Variants in EFNA1 observed in about 807,000 individuals in gnomAD.
EFNA1 encodes the protein ephrin-A1.
EFNA1 carries 8 observed loss-of-function variants against 23.2 expected under a neutral mutation model. That is an observed-to-expected ratio of 0.34 (90% CI 0.20 to 0.62). The LOEUF (loss-of-function observed/expected upper bound fraction) is 0.62, where lower values mean the gene tolerates loss of function less well. Ranked by LOEUF, EFNA1 falls within the 20% of genes least tolerant of loss-of-function variation. EFNA1 has a pLI of 0.75. For synonymous variants in EFNA1, 89 were observed against 98.6 expected, an observed-to-expected ratio of 0.90 and a Z score of 0.58; for missense variants, 217 against 260.0, an observed-to-expected ratio of 0.83 and a Z score of 1.14.
Position 155,129,513 on chromosome 1 carries a change from C to CCACACACA in EFNA1, c.92+1472_92+1479dup, listed in dbSNP as rs34899613. Reference sequence around the variant, plus strand: ...AGGGGGCTGATGGGTGACCCTCTGGCCACACACACACACACACACACACAC... The same window carrying CCACACACA: ...AGGGGGCTGATGGGTGACCCTCTGGCCACACACACACACACACACACACACACACACAC... On this transcript the variant is annotated intron_variant, in intron 1 of 4. Transcript: ENST00000368407. 8.8e-3 allele frequency: 1,291 copies of CCACACACA among 145,956 alleles called. 10 individuals are homozygous for CCACACACA. The highest frequency in any genetic ancestry group is 0.04 in the East Asian group (197 of 4,890). The allele number at this position is 145,956 out of a possible 1,614,324, so 9.0% of individuals were successfully genotyped here.
Position 155,131,220 on chromosome 1 carries a change from G to A in EFNA1, c.93-119G>A, listed in dbSNP as rs183147225. The A allele has an allele frequency of 8.2e-5, 117 of 1,422,462 alleles. No homozygotes were observed. The Admixed American group carries it at 1.2e-3, about 14-fold the overall frequency. 88.1% of individuals were successfully genotyped at this position (1,422,462 alleles called of 1,614,324 possible). ...AGTACATATTGGGAGTTGAAACTTC[G>A]GAAAAATCTCTTGGGGTCCAGTGTG... On this transcript the variant is annotated intron_variant, in intron 1 of 4. Coordinates refer to ENST00000368407, the MANE Select transcript of EFNA1 (RefSeq NM_004428.3).
chr1:155,130,474 GGAGGGGAGAGGGGGAGAGGAGGAGA>G (rs1039815071), intron 1 of EFNA1: 4 of 976,654 alleles, frequency 4.1e-6, no homozygotes, highest in Non-Finnish European at 4.9e-6. Flanking sequence ...GGAGGGGAGA[GGAGGGGAGAGGGGGAGAGGAGGAGA>G]GAGGGGAGAG....
In EFNA1 at chr1:155,131,452, T is replaced by C. The variant is rs1664238250; in HGVS notation, c.206T>C (p.Leu69Pro). The C allele has an allele frequency of 6.2e-7, 1 of 1,614,008 alleles. No homozygotes were observed. Among genetic ancestry groups the C allele is most frequent in the Admixed American group, 1.7e-5 (1 of 59,984 alleles). ...VADAAMEQYILYLVEHEEYQL... is the reference protein window; with the variant it reads ...VADAAMEQYIPYLVEHEEYQL... ...GACGCTGCCATGGAGCAGTACATAC[T>C]GTACCTGGTGGAGCATGAGGAGTAC... is the stretch of plus-strand genomic sequence containing the variant. The change falls in exon 2 of 5, where the codon CTG (leucine) becomes CCG (proline). Residue 69 changes from leucine (L) to proline (P), a missense_variant. Leu to Pro is a moderately conservative substitution (Grantham distance 98). Transcript: ENST00000368407.
chr1:155,128,688 G>A (rs931313846), intron 1 of EFNA1, among the ~76,000 whole-genome samples: 2 of 152,226 alleles, frequency 1.3e-5, no homozygotes, highest in South Asian at 4.1e-4. Flanking sequence ...CTCTCAAGTA[G>A]TAAAAGCGAA....
chr1:155,131,286 C>T, intron 1 of EFNA1, 53 bp from the exon 2 acceptor site: 1 of 1,563,808 alleles, frequency 6.4e-7, no homozygotes, highest in South Asian at 1.2e-5. Context: ...GCCCAAGGAT[C>T]TGGCCTGGCT....
Position 155,134,407 on chromosome 1 carries a change from G to A in EFNA1, c.*340G>A, listed in dbSNP as rs1664328265. ...TGGGAGCTGAGCTGGAAGGGGCCAC[G>A]TGGATGGGCAAAGCTTGTCAAAGAT... On this transcript the variant is annotated 3_prime_UTR_variant, in exon 5 of 5. Coordinates refer to ENST00000368407, the MANE Select transcript of EFNA1 (RefSeq NM_004428.3). The A allele has an allele frequency of 1.5e-5, 5 of 339,174 alleles. No homozygotes were observed. Among genetic ancestry groups the A allele is most frequent in the Admixed American group, 1.3e-4 (3 of 23,030 alleles). 21.0% of individuals were successfully genotyped at this position (339,174 alleles called of 1,614,324 possible). A position where few individuals can be genotyped will look rare whatever the true frequency, so the allele number is the denominator to read the frequency against.
chr1:155,133,644 G>A, intron 3 of EFNA1, 76 bp downstream of exon 3: 2 of 1,608,550 alleles, frequency 1.2e-6, no homozygotes, highest in Non-Finnish European at 1.7e-6. Flanking sequence ...GGATGGTATA[G>A]AAGTCTTGCA....
chr1:155,134,182 C>A lies in EFNA1; in HGVS notation c.*115C>A. On this transcript the variant is annotated 3_prime_UTR_variant, in exon 5 of 5. Coordinates refer to ENST00000368407, the MANE Select transcript of EFNA1 (RefSeq NM_004428.3). ...CCAGCCCTGGGAACCACTCCCACCA[C>A]AGGCATAAGCTATCACCTAGCAGCC... 2 of 999,958 alleles carry A rather than the reference C, an allele frequency of 2.0e-6. No homozygotes were observed. Among genetic ancestry groups the A allele is most frequent in the Non-Finnish European group, 3.0e-6 (2 of 660,994 alleles). The allele number at this position is 999,958 out of a possible 1,614,324, so 61.9% of individuals were successfully genotyped here.
intron 2 of EFNA1, 103 bp downstream of exon 2, chr1:155,131,737 G>A (rs114746058): frequency 0.013 from 16,664 of 1,273,008 alleles, 135 homozygotes; most frequent in Non-Finnish European, 0.015. Flanking sequence ...GGCCCCTTCC[G>A]ATCTTGAATT....
intron 1 of EFNA1, chr1:155,130,839 G>A (rs1664226245): frequency 4.1e-6 from 4 of 985,320 alleles, no homozygotes. Flanking sequence ...AGTAAGGAAA[G>A]TGAAGACACA....
In EFNA1 at chr1:155,133,795, C is replaced by A; in HGVS notation, c.505+15C>A. 1 of 1,614,054 alleles carries A rather than the reference C, an allele frequency of 6.2e-7. No individual in the cohort carries two copies. The highest frequency in any genetic ancestry group is 1.1e-5 in the South Asian group (1 of 91,072). On this transcript the variant is annotated intron_variant, in intron 4 of 4. Coordinates refer to ENST00000368407, the MANE Select transcript of EFNA1 (RefSeq NM_004428.3). ...ACTTGCAGCAGGTGGGTAGCTGGAGCAAACTGGGCCTGGGGCACAGGAAGG... is the reference window on the plus strand; with the variant it reads ...ACTTGCAGCAGGTGGGTAGCTGGAGAAAACTGGGCCTGGGGCACAGGAAGG...
At chr1:155,133,200 C>T (rs1241405599) in intron 2 of EFNA1, among the ~76,000 whole-genome samples, 1 of 152,096 alleles carries the variant, frequency 6.6e-6, no homozygotes, top group Non-Finnish European at 1.5e-5. Context: ...TGAGCCACCG[C>T]GCCTGGCCTA....
At chr1:155,130,473 A>G (rs1309246536) in intron 1 of EFNA1, 3 of 933,322 alleles carry the variant, frequency 3.2e-6, no homozygotes, top group East Asian at 1.3e-4. Flanking sequence ...AGGAGGGGAG[A>G]GGAGGGGAGA....
In EFNA1 at chr1:155,133,972, G is replaced by A. The variant is rs1481713806; in HGVS notation, c.523G>A (p.Val175Ile). The A allele has an allele frequency of 6.2e-7, 1 of 1,614,084 alleles. No homozygotes were observed. The highest frequency in any genetic ancestry group is 8.5e-7 in the Non-Finnish European group (1 of 1,179,976). ...CCTTGCAGATGACCCAGAGGTGCGG[G>A]TTCTACATAGCATCGGTCACAGTGC... is the stretch of plus-strand genomic sequence containing the variant. Reference protein sequence around the residue: ...RLAADDPEVRVLHSIGHSAAP... With the variant: ...RLAADDPEVRILHSIGHSAAP... Residue 175 changes from valine (V) to isoleucine (I), a missense_variant, in exon 5 of 5, where the codon GTT (valine) becomes ATT (isoleucine). By Grantham distance (29) the Val-to-Ile change is conservative (BLOSUM62 3). Transcript: ENST00000368407.
chr1:155,130,727 G>A (rs1436189148), intron 1 of EFNA1: 4 of 985,252 alleles, frequency 4.1e-6, no homozygotes, highest in Non-Finnish European at 4.8e-6. Context: ...TTAAAGGACT[G>A]GGGCATTATC....
chr1:155,131,741 T>A, intron 2 of EFNA1, 107 bp downstream of exon 2: 2 of 1,240,852 alleles, frequency 1.6e-6, no homozygotes, highest in East Asian at 4.9e-5. Context: ...CCTTCCGATC[T>A]TGAATTCTAT....
At chr1:155,132,912 T>TTTTG (rs74452352) in intron 2 of EFNA1, among the ~76,000 whole-genome samples, 63,922 of 151,084 alleles carry the variant, frequency 0.42, 14,256 homozygotes, top group East Asian at 0.82. Context: ...TAGTTTTTGT[T>TTTTG]TTTTTGTTTT....
In EFNA1 at chr1:155,131,331, GT is replaced by G. The variant is rs1664235635; in HGVS notation, c.93-7del. On this transcript the variant is annotated splice_polypyrimidine_tract_variant and splice_region_variant and intron_variant, in intron 1 of 4. Transcript: ENST00000368407. ...CCACCTGCTTCTTCCCCCTGTGTGT[GT>G]CCCCAGGTTCCGGAATGAGGACTAC... The G allele has an allele frequency of 2.5e-6, 4 of 1,597,814 alleles. No homozygotes were observed. Among genetic ancestry groups the G allele is most frequent in the Non-Finnish European group, 3.4e-6 (4 of 1,167,316 alleles).
chr1:155,128,650 A>G (rs1664150648), intron 1 of EFNA1, among the ~76,000 whole-genome samples: 1 of 152,226 alleles, frequency 6.6e-6, no homozygotes. Flanking sequence ...GTGCATGGGT[A>G]GGCTGAGGGA....
Sources: allele counts gnomAD v4.1 joint callset (sites outside exome capture counted in the v4.1 genomes callset), GRCh38; gene constraint gnomAD v4.1.1; transcripts MANE v1.5; gene names NCBI Gene and HGNC (gene_info 2026-07-23, HGNC 2026-07-21).